Variants in PPP1R37 observed in about 807,000 individuals in gnomAD.
The protein encoded by PPP1R37 is protein phosphatase 1 regulatory subunit 37.
A neutral mutation model predicts 61.0 loss-of-function variants in PPP1R37; 21 were observed. That is an observed-to-expected ratio of 0.34 (90% confidence interval 0.24 to 0.50). The LOEUF (loss-of-function observed/expected upper bound fraction) is 0.50, where lower values mean the gene tolerates loss of function less well. Among genes scored for constraint, PPP1R37 ranks in the 20% least tolerant of loss-of-function variants. The pLI is 0.98. For missense variants in PPP1R37, 910 were observed against 952.7 expected (o/e 0.96, Z 0.59); for synonymous variants, 443 against 433.5 (o/e 1.02, Z -0.27).
intron 1 of PPP1R37, among the ~76,000 whole-genome samples, chr19:45,098,409 T>G (rs1038092966): frequency 6.6e-6 from 1 of 152,186 alleles, no homozygotes; most frequent in African/African-American, 2.4e-5. Flanking sequence ...GAGGGACTTG[T>G]GATGAGAGCA....
rs1258792177 is a variant in PPP1R37, at chr19:45,144,878, C to T, written c.1012C>T (p.Leu338=). 2 of 1,535,206 alleles carry T rather than the reference C, an allele frequency of 1.3e-6. No homozygotes were observed. The highest frequency in any genetic ancestry group is 1.7e-6 in the Non-Finnish European group (2 of 1,146,430). ...TLPHTQSLET[L]NLGHNPIGNE... The stretch of plus-strand genomic sequence containing the variant: ...GCCGCACACTCAGAGCCTGGAGACG[C>T]TGAACCTGGGCCACAACCCCATCGG... The change falls in exon 9 of 13, where the codon CTG becomes TTG. Residue 338 remains leucine (L), a synonymous_variant. Transcript: ENST00000221462.
At chr19:45,117,733 G>C (rs543755471) in intron 1 of PPP1R37, among the ~76,000 whole-genome samples, 1 of 152,234 alleles carries the variant, frequency 6.6e-6, no homozygotes, top group East Asian at 1.9e-4. Context: ...GGACAGGCCA[G>C]TGGGGCTACC....
At chr19:45,093,768 G>A (rs1967955409) in intron 1 of PPP1R37, among the ~76,000 whole-genome samples, 1 of 152,164 alleles carries the variant, frequency 6.6e-6, no homozygotes, top group African/African-American at 2.4e-5. Flanking sequence ...GATCGTTTTA[G>A]GGTTTAAAAC....
intron 1 of PPP1R37, among the ~76,000 whole-genome samples, chr19:45,110,289 G>A (rs1049984420): frequency 4.6e-5 from 7 of 151,620 alleles, no homozygotes; most frequent in Non-Finnish European, 8.8e-5. Context: ...CTAATTTTTG[G>A]ATTTTTTGTA....
chr19:45,093,429 C>G lies in PPP1R37; in HGVS notation c.104C>G (p.Ala35Gly). ...TCTCCCAGCCCCGCGTCGCCCCCCG[C>G]CGATGGGCGCCTCAAGGCTGCAGCC... ...AGSPSPASPP[A>G]DGRLKAAAKR... Residue 35 changes from alanine to glycine, a missense_variant, in exon 1 of 13, where the codon GCC (alanine) becomes GGC (glycine). By Grantham distance (60) the Ala-to-Gly change is moderately conservative (BLOSUM62 0). Around this residue, in one of 3 missense-constraint regions of PPP1R37, gnomAD observed 81 missense variants for 65.4 expected, o/e 1.24. Transcript: ENST00000221462. 2 of 1,535,048 alleles carry G rather than the reference C, an allele frequency of 1.3e-6. No homozygotes were observed. Among genetic ancestry groups the G allele is most frequent in the South Asian group, 1.2e-5 (1 of 83,980 alleles).
intron 1 of PPP1R37, among the ~76,000 whole-genome samples, chr19:45,127,906 C>G (rs1377472813): frequency 6.9e-6 from 1 of 145,022 alleles, no homozygotes; most frequent in Non-Finnish European, 1.5e-5. Flanking sequence ...ACCCGGGAGG[C>G]AGAGGTTGCA....
intron 1 of PPP1R37, chr19:45,136,726 T>G (rs558105268): frequency 6.6e-6 from 1 of 152,608 alleles, no homozygotes; most frequent in South Asian, 2.1e-4. Flanking sequence ...GGCTGGCCTC[T>G]GTCGGCTTCT....
At chr19:45,124,931 G>T (rs184740912) in intron 1 of PPP1R37, among the ~76,000 whole-genome samples, 2 of 152,000 alleles carry the variant, frequency 1.3e-5, no homozygotes, top group Admixed American at 1.3e-4. Context: ...TGATTGAGCC[G>T]CTGAACTCCA....
In PPP1R37 at chr19:45,143,519, A is replaced by C; in HGVS notation, c.875-2A>C. On this transcript the variant is annotated splice_acceptor_variant, in intron 7 of 12. Coordinates refer to ENST00000221462, the MANE Select transcript of PPP1R37 (RefSeq NM_019121.2). LOFTEE classifies it high-confidence loss of function. ...AGGGCTCTGACTGCCGGCCTCCTCC[A>C]GGTCTGGCCTACATCTGCGAGGGCC... The C allele has an allele frequency of 6.5e-7, 1 of 1,527,108 alleles. No individual in the cohort carries two copies. Among genetic ancestry groups the C allele is most frequent in the Non-Finnish European group, 8.8e-7 (1 of 1,139,026 alleles). 94.6% of individuals were successfully genotyped at this position (1,527,108 alleles called of 1,614,324 possible).
In PPP1R37 at chr19:45,138,503, T is replaced by C; in HGVS notation, c.203-11T>C. On this transcript the variant is annotated splice_polypyrimidine_tract_variant and intron_variant, in intron 1 of 12. Coordinates refer to ENST00000221462, the MANE Select transcript of PPP1R37 (RefSeq NM_019121.2). ...TGGACAGTCACAGGCCTGGGTCCCC[T>C]GTGCCTGCAGCCCAGAATGTGACCG... 1 of 1,533,946 alleles carries C rather than the reference T, an allele frequency of 6.5e-7. No individual in the cohort carries two copies. The highest frequency in any genetic ancestry group is 1.2e-5 in the South Asian group (1 of 83,964).
chr19:45,119,029 A>G (rs907083283), intron 1 of PPP1R37, among the ~76,000 whole-genome samples: 4 of 147,592 alleles, frequency 2.7e-5, no homozygotes, highest in Admixed American at 2.7e-4. Context: ...ATTCTCTGTC[A>G]CTCATGCTGG....
rs567918765 is a variant in PPP1R37, at chr19:45,120,111, A to G, written c.203-18403A>G. 1.2e-3 allele frequency among the ~76,000 whole-genome samples: 172 copies of G among 138,266 alleles called. 2 individuals carry two copies. In the South Asian group the frequency reaches 0.015, roughly 12 times the overall value. The allele number at this position is 138,266 out of a possible 152,430, so 90.7% of individuals were successfully genotyped here. A position where few individuals can be genotyped will look rare whatever the true frequency, so the allele number is the denominator to read the frequency against. On this transcript the variant is annotated intron_variant, in intron 1 of 12. Transcript: ENST00000221462. ...CCGCTCACTGCAAGCTCCTCCTCCC[A>G]GGTTCACGCCATTCTCCTGCCTCAG...
chr19:45,117,105 G>A (rs1311237726), intron 1 of PPP1R37, among the ~76,000 whole-genome samples: 1 of 151,988 alleles, frequency 6.6e-6, no homozygotes, highest in Non-Finnish European at 1.5e-5. Context: ...TAGAGATGGG[G>A]TTTCACCATA....
At chr19:45,104,838 G>A (rs924085323) in intron 1 of PPP1R37, among the ~76,000 whole-genome samples, 1 of 152,026 alleles carries the variant, frequency 6.6e-6, no homozygotes, top group Non-Finnish European at 1.5e-5. Context: ...CCTAGAACAC[G>A]CAGGCAGCTC....
chr19:45,125,107 T>C (rs565408525), intron 1 of PPP1R37, among the ~76,000 whole-genome samples: 3 of 152,176 alleles, frequency 2.0e-5, no homozygotes, highest in Non-Finnish European at 2.9e-5. Context: ...GTCTTATGGG[T>C]CTGAAGGGTC....
intron 3 of PPP1R37, 49 bp downstream of exon 3, chr19:45,140,330 G>A (rs1341000241): frequency 1.3e-6 from 2 of 1,515,986 alleles, no homozygotes; most frequent in African/African-American, 1.4e-5. Flanking sequence ...GGGCAGGTCG[G>A]GGGCTCCCTA....
Position 45,142,311 on chromosome 19 carries a change from C to A in PPP1R37, c.727C>A (p.Leu243Met). The change falls in exon 7 of 13, where the codon CTG (leucine) becomes ATG (methionine). Residue 243 changes from leucine (L) to methionine (M), a missense_variant. By Grantham distance (15) the Leu-to-Met change is conservative. Around this residue, in one of 3 missense-constraint regions of PPP1R37, gnomAD observed 280 missense variants for 382.2 expected, o/e 0.73. Transcript: ENST00000221462. Reference sequence around the variant, plus strand: ...CCCCTCCCCGTCCCCAGCCACGGCCCTGAAGATGAACATGAACCTGCGGGA... The same window carrying A: ...CCCCTCCCCGTCCCCAGCCACGGCCATGAAGATGAACATGAACCTGCGGGA... Reference protein sequence around the residue: ...GRPLMLLATALKMNMNLRELY... With the variant: ...GRPLMLLATAMKMNMNLRELY... 1 of 1,536,070 alleles carries A rather than the reference C, an allele frequency of 6.5e-7. No homozygotes were observed. Among genetic ancestry groups the A allele is most frequent in the Non-Finnish European group, 8.7e-7 (1 of 1,146,884 alleles).
intron 1 of PPP1R37, among the ~76,000 whole-genome samples, chr19:45,098,098 GCAAGCCA>G (rs1968016769): frequency 6.6e-6 from 1 of 152,192 alleles, no homozygotes; most frequent in African/African-American, 2.4e-5. Flanking sequence ...GGTCTCCTCA[GCAAGCCA>G]CAGCCAGGTG....
chr19:45,097,682 G>A (rs1968010269), intron 1 of PPP1R37, among the ~76,000 whole-genome samples: 1 of 152,074 alleles, frequency 6.6e-6, no homozygotes, highest in African/African-American at 2.4e-5. Context: ...TCCGCCTGCT[G>A]GGGCTGCTGT....
Sources: allele counts gnomAD v4.1 joint callset (sites outside exome capture counted in the v4.1 genomes callset), GRCh38; gene constraint gnomAD v4.1.1; regional missense constraint gnomAD v4.1.1; transcripts MANE v1.5; gene names NCBI Gene and HGNC (gene_info 2026-07-23, HGNC 2026-07-21).